KCNMB2: variants seen among roughly 807,000 people sequenced by gnomAD.
The protein encoded by KCNMB2 is calcium-activated potassium channel subunit beta-2.
In KCNMB2, 9 loss-of-function variants were observed where a neutral mutation model predicts 24.5. The observed-to-expected ratio is 0.37, with a 90% CI of 0.22 to 0.64. The LOEUF (loss-of-function observed/expected upper bound fraction) is 0.64, where lower values mean the gene tolerates loss of function less well. Among genes scored for constraint, KCNMB2 ranks in the 30% least tolerant of loss-of-function variants. The probability of loss-of-function intolerance (pLI) is 0.63; values close to 1 mark genes in which losing one functional copy is unlikely to be tolerated. For missense variants in KCNMB2, 226 were observed against 284.3 expected (o/e 0.79, Z 1.47); for synonymous variants, 109 against 104.4 (o/e 1.04, Z -0.27).
intron 1 of KCNMB2, among the ~76,000 whole-genome samples, chr3:178,702,195 C>G (rs1413812377): frequency 6.7e-6 from 1 of 148,252 alleles, no homozygotes; most frequent in Non-Finnish European, 1.5e-5. Flanking sequence ...AAAAACCAAA[C>G]ACCGCATGTT....
At chr3:178,596,473 A>G (rs1322547263) in intron 1 of KCNMB2, among the ~76,000 whole-genome samples, 1 of 152,108 alleles carries the variant, frequency 6.6e-6, no homozygotes, top group Non-Finnish European at 1.5e-5. Flanking sequence ...TATGAACTCA[A>G]TGAACATATA....
rs111959062 is a variant in KCNMB2, at chr3:178,692,549, G to A, written c.-67-114794G>A. Among the ~76,000 whole-genome samples the A allele has an allele frequency of 1.7e-3, 252 of 152,294 alleles. 1 individual carries two copies. Among genetic ancestry groups the A allele is most frequent in the African/African-American group, 5.8e-3 (241 of 41,560 alleles). On this transcript the variant is annotated intron_variant, in intron 1 of 4. Transcript: ENST00000452583. ...TGTCAGGTTTGTCAAAGATAAGATAGTTGTAGGTGTGCAGCCTTATTTCTG... is the reference window on the plus strand; with the variant it reads ...TGTCAGGTTTGTCAAAGATAAGATAATTGTAGGTGTGCAGCCTTATTTCTG...
rs140203491 is a variant in KCNMB2 at position 178,756,235 on chromosome 3, G to GGT, written c.-67-51091_-67-51090dup. 6.0e-3 allele frequency among the ~76,000 whole-genome samples: 901 copies of GGT among 149,094 alleles called. 8 individuals are homozygous for GGT. Among genetic ancestry groups the GGT allele is most frequent in the African/African-American group, 0.019 (781 of 40,892 alleles). Reference sequence around the variant, plus strand: ...GTGTGTGTATATATATGTGGGTGTGGGTGTGTGTGTGTGTGTGTATGCGTG... The same window carrying GGT: ...GTGTGTGTATATATATGTGGGTGTGGGTGTGTGTGTGTGTGTGTGTATGCGTG... On this transcript the variant is annotated intron_variant, in intron 1 of 4. Transcript: ENST00000452583.
At chr3:178,728,244 G>T (rs748749577) in intron 1 of KCNMB2, among the ~76,000 whole-genome samples, 2 of 152,068 alleles carry the variant, frequency 1.3e-5, no homozygotes. Context: ...ATAAAGATGG[G>T]TGGCTTCACC....
chr3:178,825,146 T>C (rs1560036671), intron 2 of KCNMB2, among the ~76,000 whole-genome samples: 1 of 152,178 alleles, frequency 6.6e-6, no homozygotes, highest in Non-Finnish European at 1.5e-5. Flanking sequence ...TTTGATATAT[T>C]CCTAGTATAT....
At chr3:178,776,194 A>G (rs1712571925) in intron 1 of KCNMB2, among the ~76,000 whole-genome samples, 1 of 152,004 alleles carries the variant, frequency 6.6e-6, no homozygotes, top group Admixed American at 6.6e-5. Flanking sequence ...AGCACCTCTC[A>G]TTTTATTATT....
rs796328224 is a variant in KCNMB2, at chr3:178,760,310, CTA to C, written c.-67-47026_-67-47025del. 7.1e-3 allele frequency among the ~76,000 whole-genome samples: 573 copies of C among 81,210 alleles called. 48 individuals carry two copies. Among genetic ancestry groups the C allele is most frequent in the South Asian group, 0.012 (29 of 2,510 alleles). The allele number at this position is 81,210 out of a possible 152,430, so 53.3% of individuals were successfully genotyped here. ...TATAGATATATCCAAGAGGATATAT[CTA>C]TATATAGATATATATAGATATATAT... On this transcript the variant is annotated intron_variant, in intron 1 of 4. Coordinates refer to ENST00000452583, the MANE Select transcript of KCNMB2 (RefSeq NM_181361.3).
chr3:178,665,226 T>A (rs533585632), intron 1 of KCNMB2, among the ~76,000 whole-genome samples: 24 of 152,282 alleles, frequency 1.6e-4, no homozygotes, highest in African/African-American at 5.8e-4. Context: ...TAGACAGGAT[T>A]CATTTGAGAG....
rs764639111 is a variant in KCNMB2, at chr3:178,828,214, T to C, written c.264T>C (p.Asn88=). ...AAGAGTCTCAATGCACCTTGCTGAA[T>C]GCGTCCATCACGGAAACATTTAATT... ...WTEESQCTLL[N]ASITETFNCS... The change falls in exon 4 of 5, where the codon AAT becomes AAC. Residue 88 remains asparagine (N), a synonymous_variant. Transcript: ENST00000452583. The C allele has an allele frequency of 2.5e-6, 4 of 1,613,950 alleles. No individual in the cohort carries two copies. The highest frequency in any genetic ancestry group is 3.3e-5 in the Admixed American group (2 of 59,994).
At chr3:178,643,368 A>G (rs1560145217) in intron 1 of KCNMB2, among the ~76,000 whole-genome samples, 2 of 152,322 alleles carry the variant, frequency 1.3e-5, no homozygotes, top group East Asian at 3.9e-4. Flanking sequence ...GAGGCTAAAC[A>G]TGTGATAAAG....
At chr3:178,738,845 G>A (rs1225879187) in intron 1 of KCNMB2, among the ~76,000 whole-genome samples, 1 of 152,126 alleles carries the variant, frequency 6.6e-6, no homozygotes, top group Non-Finnish European at 1.5e-5. Context: ...ATAACATACC[G>A]ATGTCTGTTC....
intron 1 of KCNMB2, among the ~76,000 whole-genome samples, chr3:178,577,335 AG>A (rs1251788661): frequency 1.7e-4 from 26 of 152,226 alleles, no homozygotes; most frequent in Non-Finnish European, 2.6e-4. Flanking sequence ...ATCAACAAAA[AG>A]GACATCCACA....
At chr3:178,824,933 T>C (rs1560036582) in intron 2 of KCNMB2, among the ~76,000 whole-genome samples, 1 of 152,150 alleles carries the variant, frequency 6.6e-6, no homozygotes, top group African/African-American at 2.4e-5. Context: ...TGTCCAAAGT[T>C]ATAGGGCCTG....
intron 2 of KCNMB2, among the ~76,000 whole-genome samples, chr3:178,816,509 A>G (rs189016885): frequency 2.0e-5 from 3 of 151,852 alleles, no homozygotes; most frequent in Non-Finnish European, 4.4e-5. Flanking sequence ...CCTTCCTTAT[A>G]CTTTGTTTTA....
intron 1 of KCNMB2, among the ~76,000 whole-genome samples, chr3:178,591,881 C>T (rs1347321532): frequency 6.6e-6 from 1 of 152,118 alleles, no homozygotes; most frequent in Non-Finnish European, 1.5e-5. Flanking sequence ...ACTCCCCTGG[C>T]TTCATTGAGA....
At chr3:178,773,194 G>A (rs770847580) in intron 1 of KCNMB2, among the ~76,000 whole-genome samples, 82 of 152,204 alleles carry the variant, frequency 5.4e-4, no homozygotes, top group Non-Finnish European at 9.3e-4. Context: ...AAGGCCTATC[G>A]TCCTCCCTTT....
At chr3:178,540,542 C>T (rs933797718) in intron 1 of KCNMB2, among the ~76,000 whole-genome samples, 1 of 152,206 alleles carries the variant, frequency 6.6e-6, no homozygotes. Context: ...TACCCTTCTG[C>T]TACCATTCTT....
At chr3:178,669,221 G>A (rs1485328082) in intron 1 of KCNMB2, among the ~76,000 whole-genome samples, 1 of 152,086 alleles carries the variant, frequency 6.6e-6, no homozygotes, top group Non-Finnish European at 1.5e-5. Flanking sequence ...GACCCACAGG[G>A]GAATTCAGGC....
At chr3:178,687,349 T>C (rs1361659227) in intron 1 of KCNMB2, among the ~76,000 whole-genome samples, 1 of 152,164 alleles carries the variant, frequency 6.6e-6, no homozygotes, top group Non-Finnish European at 1.5e-5. Context: ...CCAAGTTTCC[T>C]CATTGAGTCT....
Sources: gnomAD v4.1 joint callset for allele counts (sites outside exome capture counted in the v4.1 genomes callset) on GRCh38, gnomAD v4.1.1 for gene constraint, MANE v1.5 for transcripts, NCBI Gene and HGNC (gene_info 2026-07-23, HGNC 2026-07-21) for gene names.